CELF4: variants seen among roughly 807,000 people sequenced by gnomAD.
CELF4 encodes CUG-BP- and ETR-3-like factor 4.
Under a neutral mutation model 59.9 loss-of-function variants are expected in CELF4, and 18 were observed. The ratio of observed to expected loss-of-function variants is 0.30; its 90% CI spans 0.21 to 0.45. The LOEUF is 0.45. Ranked by LOEUF, CELF4 falls within the 20% of genes least tolerant of loss-of-function variation. The probability of loss-of-function intolerance (pLI) is 1.00; values close to 1 mark genes in which losing one functional copy is unlikely to be tolerated. For missense variants in CELF4, 456 were observed against 689.0 expected (o/e 0.66, Z 3.79); for synonymous variants, 261 against 267.1 (o/e 0.98, Z 0.22).
chr18:37,433,562 T>C (rs529769731), intron 2 of CELF4, among the ~76,000 whole-genome samples: 3 of 152,286 alleles, frequency 2.0e-5, no homozygotes, highest in South Asian at 2.1e-4. Flanking sequence ...CCATTTTCGT[T>C]TGAGCTTTTG....
intron 2 of CELF4, among the ~76,000 whole-genome samples, chr18:37,374,211 C>T (rs947886803): frequency 2.6e-5 from 4 of 152,204 alleles, no homozygotes; most frequent in East Asian, 1.9e-4. Context: ...TGCACCCTTC[C>T]TTAGTTCAGC....
At chr18:37,458,185 G>A (rs2099783938) in intron 2 of CELF4, among the ~76,000 whole-genome samples, 1 of 152,214 alleles carries the variant, frequency 6.6e-6, no homozygotes, top group South Asian at 2.1e-4. Context: ...TGTGCTGGTG[G>A]CTGAGGCTGT....
chr18:37,368,904 C>A lies in CELF4; in HGVS notation c.370-47023G>T, dbSNP rs187083859. On this transcript the variant is annotated intron_variant, in intron 2 of 12. Coordinates refer to ENST00000420428, the MANE Select transcript of CELF4 (RefSeq NM_020180.4). The stretch of plus-strand genomic sequence containing the variant: ...AGACCTGGGTGAACACCTGGGCATC[C>A]CTGTTTGGGGGAGATGTGTGGTCCT... 3.6e-4 allele frequency among the ~76,000 whole-genome samples: 55 copies of A among 152,346 alleles called. No individual in the cohort carries two copies. The East Asian group carries it at 9.3e-3, about 26-fold the overall frequency.
intron 2 of CELF4, among the ~76,000 whole-genome samples, chr18:37,352,785 A>G (rs997007919): frequency 2.6e-5 from 4 of 152,056 alleles, no homozygotes; most frequent in Admixed American, 2.0e-4. Flanking sequence ...TAGGCAGGAA[A>G]GTCTCCCAGG....
chr18:37,398,683 C>T (rs1310259729), intron 2 of CELF4, among the ~76,000 whole-genome samples: 1 of 152,204 alleles, frequency 6.6e-6, no homozygotes, highest in Admixed American at 6.5e-5. Context: ...CAGCCACTGA[C>T]ACTGCTTGAG....
rs2061531531 is a variant in CELF4, at chr18:37,244,958, T to C, written c.*284A>G. On this transcript the variant is annotated 3_prime_UTR_variant, in exon 13 of 13. Coordinates refer to ENST00000420428, the MANE Select transcript of CELF4 (RefSeq NM_020180.4). ...TAAAGTTGCCTTTTGTGTGTTTTTT[T>C]CTCATTTTTCTTCATCTTCTTCTTC... 6.6e-6 allele frequency: 1 copy of C among 152,620 alleles called. No individual in the cohort carries two copies. The highest frequency in any genetic ancestry group is 1.5e-5 in the Non-Finnish European group (1 of 68,088). The allele number at this position is 152,620 out of a possible 1,614,324, so 9.5% of individuals were successfully genotyped here. A position where few individuals can be genotyped will look rare whatever the true frequency, so the allele number is the denominator to read the frequency against.
chr18:37,383,089 A>G (rs111682897), intron 2 of CELF4, among the ~76,000 whole-genome samples: 28 of 152,226 alleles, frequency 1.8e-4, no homozygotes, highest in African/African-American at 6.5e-4. Context: ...GGATCTCACT[A>G]TGTTGTCCAG....
intron 2 of CELF4, among the ~76,000 whole-genome samples, chr18:37,437,084 G>C (rs145333248): frequency 5.1e-4 from 78 of 152,326 alleles, no homozygotes; most frequent in African/African-American, 1.9e-3. Context: ...AGCTGGCAGA[G>C]TGGCTGCATG....
At chr18:37,455,824 T>C (rs868403941) in intron 2 of CELF4, among the ~76,000 whole-genome samples, 14 of 152,182 alleles carry the variant, frequency 9.2e-5, no homozygotes, top group Non-Finnish European at 1.6e-4. Flanking sequence ...CCCAGGGCTC[T>C]GTAGAGAGGT....
chr18:37,292,675 G>A (rs1419714159), intron 3 of CELF4, among the ~76,000 whole-genome samples: 10 of 152,118 alleles, frequency 6.6e-5, no homozygotes, highest in Admixed American at 2.6e-4. Context: ...CCACAATCCC[G>A]AGAAAATAAT....
intron 11 of CELF4, among the ~76,000 whole-genome samples, chr18:37,256,473 G>A (rs1427665852): frequency 6.6e-6 from 1 of 152,220 alleles, no homozygotes; most frequent in African/African-American, 2.4e-5. Flanking sequence ...TCCCTGGGGC[G>A]ATGATTAAAA....
chr18:37,259,278 A>AG lies in CELF4; in HGVS notation c.1250-15dup. 2.6e-5 allele frequency: 4 copies of AG among 151,026 alleles called. No individual in the cohort carries two copies. The highest frequency in any genetic ancestry group is 1.7e-4 in the African/African-American group (1 of 6,030). 9.4% of individuals were successfully genotyped at this position (151,026 alleles called of 1,614,324 possible). On this transcript the variant is annotated splice_polypyrimidine_tract_variant and intron_variant, in intron 10 of 12. Transcript: ENST00000420428. The stretch of plus-strand genomic sequence containing the variant: ...AGCCCTCGGGCCCTGCGGTGAGGGG[A>AG]GGGGGTGGGCGGGGGAGGAGGGATG...
At chr18:37,325,577 C>A (rs118051442) in intron 2 of CELF4, among the ~76,000 whole-genome samples, 4,919 of 152,258 alleles carry the variant, frequency 0.032, 126 homozygotes, top group Non-Finnish European at 0.049. Context: ...CCCAACCAGA[C>A]GGGCCCTGGA....
intron 1 of CELF4, among the ~76,000 whole-genome samples, chr18:37,535,042 C>T (rs1053649491): frequency 1.3e-5 from 2 of 152,202 alleles, no homozygotes; most frequent in African/African-American, 4.8e-5. Flanking sequence ...CTCATTTCCT[C>T]ACCCTTGAAG....
At chr18:37,536,372 CTCTT>C (rs2099973501) in intron 1 of CELF4, among the ~76,000 whole-genome samples, 2 of 152,230 alleles carry the variant, frequency 1.3e-5, no homozygotes, top group African/African-American at 4.8e-5. Context: ...GGACTGGAAA[CTCTT>C]TCTTCTCTAG....
chr18:37,498,458 C>G (rs1456924681), intron 1 of CELF4, among the ~76,000 whole-genome samples: 1 of 147,070 alleles, frequency 6.8e-6, no homozygotes, highest in Non-Finnish European at 1.5e-5. Context: ...CCCTCCCCTC[C>G]TCTTCCCTTC....
intron 2 of CELF4, among the ~76,000 whole-genome samples, chr18:37,414,519 T>TTG (rs2099510914): frequency 6.7e-6 from 1 of 148,698 alleles, no homozygotes; most frequent in Admixed American, 6.7e-5. Flanking sequence ...TTTTTTTTTT[T>TTG]GAGACGGAGT....
chr18:37,406,383 C>T (rs558075388), intron 2 of CELF4, among the ~76,000 whole-genome samples: 1 of 152,130 alleles, frequency 6.6e-6, no homozygotes, highest in Non-Finnish European at 1.5e-5. Context: ...TAAAAACATG[C>T]CTTCTACGGG....
At chr18:37,360,893 G>T (rs1325625336) in intron 2 of CELF4, among the ~76,000 whole-genome samples, 2 of 152,240 alleles carry the variant, frequency 1.3e-5, no homozygotes, top group African/African-American at 4.8e-5. Flanking sequence ...GGTCTCCAAA[G>T]TGGGGTTTAT....
Sources: allele counts gnomAD v4.1 joint callset (sites outside exome capture counted in the v4.1 genomes callset), GRCh38; gene constraint gnomAD v4.1.1; transcripts MANE v1.5; gene names NCBI Gene and HGNC (gene_info 2026-07-23, HGNC 2026-07-21).